The following ASCC3 variants were observed in gnomAD, a reference collection of about 807,000 sequenced individuals.
The protein encoded by ASCC3 is ASC-1 complex subunit P200.
ASCC3 carries 158 observed loss-of-function variants against 256.3 expected under a neutral mutation model. The ratio of observed to expected loss-of-function variants is 0.62; its 90% CI spans 0.54 to 0.70. The LOEUF (loss-of-function observed/expected upper bound fraction) is 0.70, where lower values mean the gene tolerates loss of function less well. Ranked by LOEUF, ASCC3 falls within the 30% of genes least tolerant of loss-of-function variation. ASCC3 has a pLI of 0.00. For synonymous variants in ASCC3, 948 were observed against 883.4 expected (o/e 1.07, Z -1.30); for missense variants, 2,259 against 2,626.0 (o/e 0.86, Z 3.05).
At position 100,627,922 on chromosome 6, in the gene ASCC3, C is replaced by G. The variant is rs748197499; in HGVS notation, c.4441G>C (p.Glu1481Gln). Residue 1481 changes from glutamate (E) to glutamine (Q), a missense_variant, in exon 28 of 42, where the codon GAA becomes CAA. Around this residue, in one of 2 missense-constraint regions of ASCC3, gnomAD observed 1,839 missense variants for 2,206.7 expected, o/e 0.83. Coordinates refer to ENST00000369162, the MANE Select transcript of ASCC3 (RefSeq NM_006828.4). The stretch of plus-strand genomic sequence containing the variant: ...AGTCCAACTATTCTAACAGGCTTTT[C>G]TGTGTGTGATGAGATAAAATTTGTT... ...SRTNFISSHT[E>Q]KPVRIVGLST... is the part of the protein sequence containing the mutation. 6.2e-7 allele frequency: 1 copy of G among 1,613,518 alleles called. No homozygotes were observed. The highest frequency in any genetic ancestry group is 8.5e-7 in the Non-Finnish European group (1 of 1,179,788).
chr6:100,723,876 AT>A (rs1382754961), intron 11 of ASCC3, among the ~76,000 whole-genome samples: 1 of 131,196 alleles, frequency 7.6e-6, no homozygotes, highest in African/African-American at 3.2e-5. Context: ...ATATATATAT[AT>A]ATATATATAT....
intron 5 of ASCC3, among the ~76,000 whole-genome samples, chr6:100,802,370 G>T (rs1769961018): frequency 1.3e-5 from 2 of 152,058 alleles, no homozygotes; most frequent in South Asian, 4.1e-4. Flanking sequence ...TGCTCCTGAT[G>T]TGTAAGATGC....
At chr6:100,760,145 T>C (rs1489728345) in intron 10 of ASCC3, among the ~76,000 whole-genome samples, 1 of 152,160 alleles carries the variant, frequency 6.6e-6, no homozygotes, top group Non-Finnish European at 1.5e-5. Context: ...TACCAATTTC[T>C]TTCTCTTGCC....
chr6:100,811,304 A>G (rs1317200708), intron 4 of ASCC3, among the ~76,000 whole-genome samples: 1 of 152,200 alleles, frequency 6.6e-6, no homozygotes, highest in Non-Finnish European at 1.5e-5. Flanking sequence ...GATCAAATAT[A>G]GAAAAAAAAC....
At chr6:100,557,432 A>C (rs534537201) in intron 36 of ASCC3, among the ~76,000 whole-genome samples, 52 of 152,224 alleles carry the variant, frequency 3.4e-4, no homozygotes, top group Middle Eastern at 3.4e-3. Context: ...TGTTGATTTT[A>C]GTATGGATAT....
chr6:100,549,227 G>A (rs762198963), intron 36 of ASCC3, among the ~76,000 whole-genome samples: 2 of 151,898 alleles, frequency 1.3e-5, no homozygotes, highest in Non-Finnish European at 2.9e-5. Flanking sequence ...ATTTAATACA[G>A]CAGGCTGAAA....
intron 10 of ASCC3, among the ~76,000 whole-genome samples, chr6:100,741,946 G>A (rs1023872831): frequency 7.2e-5 from 11 of 152,076 alleles, no homozygotes; most frequent in African/African-American, 2.7e-4. Flanking sequence ...AAGAGGCATT[G>A]GATTTTTGAG....
At chr6:100,850,869 T>G (rs1772632101) in intron 3 of ASCC3, among the ~76,000 whole-genome samples, 1 of 152,140 alleles carries the variant, frequency 6.6e-6, no homozygotes, top group Non-Finnish European at 1.5e-5. Flanking sequence ...TTTGGATAAT[T>G]TGGGGATTAT....
chr6:100,650,093 T>C (rs951138582), intron 20 of ASCC3, among the ~76,000 whole-genome samples: 1 of 151,698 alleles, frequency 6.6e-6, no homozygotes, highest in African/African-American at 2.4e-5. Flanking sequence ...AGGAAATATG[T>C]TTACTACGCC....
At chr6:100,564,020 G>A (rs1770094653) in intron 36 of ASCC3, among the ~76,000 whole-genome samples, 1 of 151,702 alleles carries the variant, frequency 6.6e-6, no homozygotes, top group Non-Finnish European at 1.5e-5. Flanking sequence ...ATGCCTGTTT[G>A]ACGCCAAAGC....
chr6:100,509,113 TA>T lies in ASCC3; in HGVS notation c.*272del. The T allele has an allele frequency of 2.3e-6, 1 of 427,720 alleles. No individual in the cohort carries two copies. The allele number at this position is 427,720 out of a possible 1,614,324, so 26.5% of individuals were successfully genotyped here. On this transcript the variant is annotated 3_prime_UTR_variant, in exon 42 of 42. Coordinates refer to ENST00000369162, the MANE Select transcript of ASCC3 (RefSeq NM_006828.4). ...GATAGCTCCTAAATATCATCCCAAA[TA>T]TACACAAATTAAAAGATTATTCTAA...
At chr6:100,679,096 T>C (rs1373022854) in intron 14 of ASCC3, among the ~76,000 whole-genome samples, 2 of 151,874 alleles carry the variant, frequency 1.3e-5, no homozygotes, top group African/African-American at 4.8e-5. Context: ...GGCCTAAAGG[T>C]CTCCCTTTTT....
intron 11 of ASCC3, among the ~76,000 whole-genome samples, chr6:100,722,993 A>G (rs942594548): frequency 2.0e-4 from 30 of 151,770 alleles, no homozygotes; most frequent in African/African-American, 7.2e-4. Flanking sequence ...GTATTACTAG[A>G]TCTTTATAAA....
intron 36 of ASCC3, among the ~76,000 whole-genome samples, chr6:100,563,728 A>C (rs143233520): frequency 6.6e-6 from 1 of 152,178 alleles, no homozygotes; most frequent in South Asian, 2.1e-4. Context: ...AGGTTTTTTT[A>C]TTAGAACAGA....
At chr6:100,526,397 G>A (rs909090441) in intron 37 of ASCC3, among the ~76,000 whole-genome samples, 4 of 152,108 alleles carry the variant, frequency 2.6e-5, no homozygotes, top group Admixed American at 6.5e-5. Context: ...GGGGTAGAAG[G>A]ATCCTTCATA....
Position 100,652,672 on chromosome 6 carries a change from AG to A in ASCC3, c.2988+52del, listed in dbSNP as rs1775727863. ...ATTTTACATTAATAATATATTTTGA[AG>A]TCTAGAAAGTATTTGCATCTAAAAT... On this transcript the variant is annotated intron_variant, in intron 18 of 41. Transcript: ENST00000369162. The A allele has an allele frequency of 5.3e-6, 8 of 1,519,536 alleles. No individual in the cohort carries two copies. In the African/African-American group the frequency reaches 1.1e-4, roughly 21 times the overall value. 94.1% of individuals were successfully genotyped at this position (1,519,536 alleles called of 1,614,324 possible).
intron 36 of ASCC3, among the ~76,000 whole-genome samples, chr6:100,545,846 G>A (rs979246577): frequency 6.6e-6 from 1 of 152,080 alleles, no homozygotes; most frequent in Non-Finnish European, 1.5e-5. Context: ...ATCCCAAAGC[G>A]CTGGGATTAC....
intron 36 of ASCC3, among the ~76,000 whole-genome samples, chr6:100,563,377 T>C (rs1019256706): frequency 1.3e-5 from 2 of 152,194 alleles, no homozygotes; most frequent in Non-Finnish European, 2.9e-5. Context: ...GCGTATACTA[T>C]AGAATTAGAA....
chr6:100,872,146 A>G (rs1241306706), intron 1 of ASCC3, among the ~76,000 whole-genome samples: 1 of 152,234 alleles, frequency 6.6e-6, no homozygotes, highest in Non-Finnish European at 1.5e-5. Context: ...ATGTAGCATC[A>G]GAACAAGAAA....
Sources: gnomAD v4.1 joint callset for allele counts (sites outside exome capture counted in the v4.1 genomes callset) on GRCh38, gnomAD v4.1.1 for gene constraint, gnomAD v4.1.1 regional missense constraint, MANE v1.5 for transcripts, NCBI Gene and HGNC (gene_info 2026-07-23, HGNC 2026-07-21) for gene names.